The following COL5A1 variants were observed in gnomAD, a reference collection of about 807,000 sequenced individuals.
The protein encoded by COL5A1 is collagen type V alpha 1 chain, also known as collagen alpha-1(V) chain.
Under a neutral mutation model 263.7 loss-of-function variants are expected in COL5A1, and 16 were observed. The ratio of observed to expected loss-of-function variants is 0.06; its 90% confidence interval spans 0.04 to 0.09. The LOEUF is 0.09. Ranked by LOEUF, COL5A1 falls within the 10% of genes least tolerant of loss-of-function variation. COL5A1 has a pLI of 1.00. For missense variants in COL5A1, 2,036 were observed against 2,540.5 expected, an observed-to-expected ratio of 0.80 and a Z score of 4.27; for synonymous variants, 1,012 against 1,004.5, an observed-to-expected ratio of 1.01 and a Z score of -0.14.
At chr9:134,676,671 G>T (rs1832695834) in intron 1 of COL5A1, among the ~76,000 whole-genome samples, 1 of 152,254 alleles carries the variant, frequency 6.6e-6, no homozygotes, top group Non-Finnish European at 1.5e-5. Context: ...TTTGTTCATT[G>T]GTTGATTTGT....
intron 59 of COL5A1, among the ~76,000 whole-genome samples, chr9:134,822,611 C>G (rs1199771683): frequency 6.6e-6 from 1 of 152,036 alleles, no homozygotes; most frequent in Non-Finnish European, 1.5e-5. Flanking sequence ...TACACATGGC[C>G]CCCGGGGGCC....
chr9:134,685,182 ATCCT>A (rs1832988108), intron 1 of COL5A1, among the ~76,000 whole-genome samples: 2 of 144,414 alleles, frequency 1.4e-5, no homozygotes, highest in African/African-American at 5.4e-5. Context: ...CCATTCATTC[ATCCT>A]TCCATCTGTC....
At chr9:134,817,918 A>T (rs1838826180) in intron 54 of COL5A1, 87 bp downstream of exon 54, 2 of 1,365,544 alleles carry the variant, frequency 1.5e-6, no homozygotes, top group Admixed American at 3.9e-5. Context: ...GTGTGGGCAG[A>T]GATGTCCATG....
chr9:134,734,918 T>G (rs1012106915), intron 9 of COL5A1, among the ~76,000 whole-genome samples: 1 of 152,150 alleles, frequency 6.6e-6, no homozygotes, highest in Admixed American at 6.5e-5. Flanking sequence ...TTGTTAAAAT[T>G]GTATGCATTC....
At position 134,811,354 on chromosome 9, in the gene COL5A1, A is replaced by G. The variant is rs2132844362; in HGVS notation, c.3544A>G (p.Thr1182Ala). The change falls in exon 45 of 66, where the codon ACA becomes GCA. Residue 1182 changes from threonine (T) to alanine (A), a missense_variant. By Grantham distance (58) the Thr-to-Ala change is moderately conservative. Coordinates refer to ENST00000371817, the MANE Select transcript of COL5A1 (RefSeq NM_000093.5). Reference sequence around the variant, plus strand: ...TTCCCCGCAGGGTCCTCCTGGGCCTACAGGTCCTCAAGGCCCCATCGGACA... The same window carrying G: ...TTCCCCGCAGGGTCCTCCTGGGCCTGCAGGTCCTCAAGGCCCCATCGGACA... ...DKGEQGPPGP[T>A]GPQGPIGQPG... 5.0e-6 allele frequency: 8 copies of G among 1,609,972 alleles called. No individual in the cohort carries two copies. The East Asian group carries it at 1.3e-4, about 27-fold the overall frequency.
At chr9:134,785,516 C>T (rs1837423267) in intron 30 of COL5A1, among the ~76,000 whole-genome samples, 1 of 152,156 alleles carries the variant, frequency 6.6e-6, no homozygotes, top group African/African-American at 2.4e-5. Context: ...GGCATGCAGC[C>T]ATCAATAGGC....
At chr9:134,788,070 T>C (rs569888514) in intron 31 of COL5A1, among the ~76,000 whole-genome samples, 188 of 151,592 alleles carry the variant, frequency 1.2e-3, no homozygotes, top group African/African-American at 4.2e-3. Context: ...GATAGACAGA[T>C]AGATGGGTTG....
intron 9 of COL5A1, among the ~76,000 whole-genome samples, chr9:134,737,001 G>T (rs76479201): frequency 0.015 from 2,234 of 152,334 alleles, 32 homozygotes; most frequent in African/African-American, 0.031. Flanking sequence ...TGCACAGCAG[G>T]TCTCAGGAGT....
intron 25 of COL5A1, among the ~76,000 whole-genome samples, chr9:134,770,075 C>T (rs1380992555): frequency 1.3e-5 from 2 of 152,180 alleles, no homozygotes; most frequent in Non-Finnish European, 2.9e-5. Context: ...GTAGGTGGAC[C>T]CCATTCACAT....
chr9:134,711,184 C>T (rs967256097), intron 4 of COL5A1, among the ~76,000 whole-genome samples: 1 of 152,104 alleles, frequency 6.6e-6, no homozygotes, highest in African/African-American at 2.4e-5. Flanking sequence ...CCCTGTGGGC[C>T]TGCAGAGTCA....
At position 134,691,442 on chromosome 9, in the gene COL5A1, C is replaced by T. The variant is rs900248214; in HGVS notation, c.277+363C>T. Among the ~76,000 whole-genome samples, 13 of 152,132 alleles carry T rather than the reference C, an allele frequency of 8.5e-5. No individual in the cohort carries two copies. The South Asian group carries it at 1.5e-3, about 17-fold the overall frequency. The stretch of plus-strand genomic sequence containing the variant: ...ATGAGGTTGAGAGAAACCTCGGGGT[C>T]GTGGGAAAGGAAGCACTTCCAGACA... On this transcript the variant is annotated intron_variant, in intron 2 of 65. Coordinates refer to ENST00000371817, the MANE Select transcript of COL5A1 (RefSeq NM_000093.5).
chr9:134,654,560 T>TG (rs1158388155), intron 1 of COL5A1, among the ~76,000 whole-genome samples: 3 of 98,876 alleles, frequency 3.0e-5, no homozygotes, highest in Non-Finnish European at 4.0e-5. Context: ...TGTGTAGGGC[T>TG]GGGTGTGTGT....
Position 134,715,389 on chromosome 9 carries a change from C to T in COL5A1, c.655-11877C>T, listed in dbSNP as rs151189220. On this transcript the variant is annotated intron_variant, in intron 4 of 65. Transcript: ENST00000371817. ...ACCAAGACATTCTATTGCCCAGGGACGAGCAGGAGACAGATGCCTTCCTCT... is the reference window on the plus strand; with the variant it reads ...ACCAAGACATTCTATTGCCCAGGGATGAGCAGGAGACAGATGCCTTCCTCT... 2.6e-4 allele frequency among the ~76,000 whole-genome samples: 39 copies of T among 152,206 alleles called. No individual in the cohort carries two copies. In the East Asian group the frequency reaches 4.8e-3, roughly 19 times the overall value.
At chr9:134,788,083 G>A (rs1837527668) in intron 31 of COL5A1, among the ~76,000 whole-genome samples, 1 of 152,080 alleles carries the variant, frequency 6.6e-6, no homozygotes, top group African/African-American at 2.4e-5. Flanking sequence ...ATGGGTTGGT[G>A]GGAAGAGAGG....
chr9:134,684,495 C>A (rs957831932), intron 1 of COL5A1, among the ~76,000 whole-genome samples: 5 of 152,256 alleles, frequency 3.3e-5, no homozygotes, highest in Non-Finnish European at 7.3e-5. Context: ...CAGTTTCAAG[C>A]CCTCATCTCT....
chr9:134,680,507 G>A lies in COL5A1; in HGVS notation c.110-10405G>A, dbSNP rs1832821458. Among the ~76,000 whole-genome samples the A allele has an allele frequency of 6.6e-6, 1 of 152,222 alleles. No individual in the cohort carries two copies. Among genetic ancestry groups the A allele is most frequent in the African/African-American group, 2.4e-5 (1 of 41,452 alleles). ...GGCTGAGGACACCAACCTGGTCCCC[G>A]CTGTGGAGGGCGGAGCTGGCATCCT... On this transcript the variant is annotated intron_variant, in intron 1 of 65. Transcript: ENST00000371817. This position sits in a 1 kb window ranked among gnomAD's most constrained non-coding sequence, Gnocchi z 5.9.
At chr9:134,807,827 C>T (rs1364721560) in intron 42 of COL5A1, among the ~76,000 whole-genome samples, 4 of 152,238 alleles carry the variant, frequency 2.6e-5, no homozygotes, top group Non-Finnish European at 5.9e-5. Context: ...ACTGGGCAGT[C>T]AGTGTATAGA....
chr9:134,703,048 A>G (rs1157910960), intron 4 of COL5A1, among the ~76,000 whole-genome samples: 6 of 152,260 alleles, frequency 3.9e-5, no homozygotes, highest in Non-Finnish European at 8.8e-5. Context: ...CAGAGGAATG[A>G]TCAGAGCAGC....
In COL5A1 at chr9:134,652,335, G is replaced by GT. The variant is rs900570803; in HGVS notation, c.109+10040dup. ...GCTGGTGACAGCAGGCAGACCCAGT[G>GT]TAACACGGCTCTGCTGGGTGGGGCA... is the stretch of plus-strand genomic sequence containing the variant. On this transcript the variant is annotated intron_variant, in intron 1 of 65. Coordinates refer to ENST00000371817, the MANE Select transcript of COL5A1 (RefSeq NM_000093.5). The surrounding 1 kb of genome is among the most constrained non-coding windows in gnomAD (Gnocchi z 4.4). Among the ~76,000 whole-genome samples, 2 of 145,962 alleles carry GT rather than the reference G, an allele frequency of 1.4e-5. No individual in the cohort carries two copies. Among genetic ancestry groups the GT allele is most frequent in the African/African-American group, 5.0e-5 (2 of 40,280 alleles).
Sources: gnomAD v4.1 joint callset for allele counts (sites outside exome capture counted in the v4.1 genomes callset) on GRCh38, gnomAD v4.1.1 for gene constraint, Gnocchi (gnomAD v3.1) non-coding constraint, MANE v1.5 for transcripts, NCBI Gene and HGNC (gene_info 2026-07-23, HGNC 2026-07-21) for gene names.